SH3PXD2B: variants seen among roughly 807,000 people sequenced by gnomAD.
SH3PXD2B encodes SH3 and PX domain-containing protein 2B.
A neutral mutation model predicts 73.1 loss-of-function variants in SH3PXD2B; 37 were observed. That is an observed-to-expected ratio of 0.51 (90% CI 0.39 to 0.67). The LOEUF is 0.67. Ranked by LOEUF, SH3PXD2B falls within the 30% of genes least tolerant of loss-of-function variation. The pLI is 0.00. For synonymous variants in SH3PXD2B, 457 were observed against 480.5 expected (o/e 0.95, Z 0.64); for missense variants, 1,053 against 1,197.8 (o/e 0.88, Z 1.78).
intron 12 of SH3PXD2B, among the ~76,000 whole-genome samples, chr5:172,325,575 C>A (rs114861463): frequency 0.016 from 2,502 of 152,276 alleles, 45 homozygotes; most frequent in African/African-American, 0.045. Flanking sequence ...GTGGTGATGG[C>A]CTTCTCGCTG....
chr5:172,439,718 A>G (rs1389700226), intron 1 of SH3PXD2B, among the ~76,000 whole-genome samples: 1 of 150,604 alleles, frequency 6.6e-6, no homozygotes, highest in Non-Finnish European at 1.5e-5. Flanking sequence ...ACACACACAC[A>G]CACACACACA....
chr5:172,335,583 G>A lies in SH3PXD2B; in HGVS notation c.*2786C>T. On this transcript the variant is annotated 3_prime_UTR_variant, in exon 13 of 13. Transcript: ENST00000311601. Reference sequence around the variant, plus strand: ...CCGTAAGGATTAAAGGAGCGTGTGTGTTTAGGCACTGGTCACCAGCCCGGT... The same window carrying A: ...CCGTAAGGATTAAAGGAGCGTGTGTATTTAGGCACTGGTCACCAGCCCGGT... 8.1e-7 allele frequency: 1 copy of A among 1,231,852 alleles called. No individual in the cohort carries two copies. Among genetic ancestry groups the A allele is most frequent in the Non-Finnish European group, 1.0e-6 (1 of 988,036 alleles). 76.3% of individuals were successfully genotyped at this position (1,231,852 alleles called of 1,614,324 possible). A position where few individuals can be genotyped will look rare whatever the true frequency, so the allele number is the denominator to read the frequency against.
intron 1 of SH3PXD2B, among the ~76,000 whole-genome samples, chr5:172,434,500 G>A (rs952348101): frequency 7.9e-5 from 12 of 152,180 alleles, no homozygotes; most frequent in African/African-American, 2.4e-4. Context: ...AACAGCTGCC[G>A]CCCTGCTTCC....
At chr5:172,381,289 C>T (rs1334272929) in intron 5 of SH3PXD2B, among the ~76,000 whole-genome samples, 1 of 152,094 alleles carries the variant, frequency 6.6e-6, no homozygotes, top group Non-Finnish European at 1.5e-5. Flanking sequence ...ACCCCAAACT[C>T]TGCCCGCTCT....
chr5:172,412,921 T>A (rs1258627156), intron 2 of SH3PXD2B, among the ~76,000 whole-genome samples: 1 of 152,176 alleles, frequency 6.6e-6, no homozygotes, highest in Admixed American at 6.5e-5. Flanking sequence ...TCACATCAAG[T>A]TGCCACATCA....
In SH3PXD2B at chr5:172,334,480, A is replaced by G; in HGVS notation, c.*3889T>C. The G allele has an allele frequency of 1.0e-6, 1 of 985,996 alleles. No individual in the cohort carries two copies. The highest frequency in any genetic ancestry group is 1.2e-6 in the Non-Finnish European group (1 of 830,402). The allele number at this position is 985,996 out of a possible 1,614,324, so 61.1% of individuals were successfully genotyped here. ...TGAGGTATGGATGTCTGCAGTCTAC[A>G]CAACAGCCCTGCAGAACGGGCCTGG... is the stretch of plus-strand genomic sequence containing the variant. On this transcript the variant is annotated 3_prime_UTR_variant, in exon 13 of 13. Transcript: ENST00000311601.
chr5:172,445,490 G>C lies in SH3PXD2B; in HGVS notation c.75+8788C>G, dbSNP rs554572209. ...CTCCCAAGATGCTGGGATTACAGGC[G>C]TGAACTCCCATGCCCAGCCCTTATA... On this transcript the variant is annotated intron_variant, in intron 1 of 12. Coordinates refer to ENST00000311601, the MANE Select transcript of SH3PXD2B (RefSeq NM_001017995.3). This position sits in a 1 kb window ranked among gnomAD's most constrained non-coding sequence, Gnocchi z 5.2. 6.6e-6 allele frequency among the ~76,000 whole-genome samples: 1 copy of C among 152,168 alleles called. No individual in the cohort carries two copies. The highest frequency in any genetic ancestry group is 2.1e-4 in the South Asian group (1 of 4,816).
chr5:172,396,973 C>T (rs888106245), intron 3 of SH3PXD2B, among the ~76,000 whole-genome samples: 2 of 152,076 alleles, frequency 1.3e-5, no homozygotes, highest in South Asian at 2.1e-4. Context: ...TAGATGAATA[C>T]GTATCACAAA....
chr5:172,444,998 T>C (rs1302995335), intron 1 of SH3PXD2B, among the ~76,000 whole-genome samples: 1 of 152,192 alleles, frequency 6.6e-6, no homozygotes, highest in African/African-American at 2.4e-5. Flanking sequence ...CTCTTCTGCT[T>C]TTTCAAACAC....
chr5:172,362,708 G>C, intron 7 of SH3PXD2B, 27 bp downstream of exon 7: 2 of 1,613,938 alleles, frequency 1.2e-6, no homozygotes. Flanking sequence ...CAGGGTAGTG[G>C]GAGAGGGAGA....
At chr5:172,359,384 T>G (rs1220942526) in intron 7 of SH3PXD2B, among the ~76,000 whole-genome samples, 1 of 32,522 alleles carries the variant, frequency 3.1e-5, no homozygotes, top group African/African-American at 1.6e-4. Context: ...GAGACCCCCA[T>G]CTCAAAAAAA....
chr5:172,354,054 TGG>T, intron 8 of SH3PXD2B, 49 bp from the exon 9 acceptor site: 1 of 1,538,084 alleles, frequency 6.5e-7, no homozygotes. Context: ...CCAAGAGGCT[TGG>T]GATGCCGTAA....
At position 172,445,308 on chromosome 5, in the gene SH3PXD2B, A is replaced by C. The variant is rs1043006856; in HGVS notation, c.75+8970T>G. On this transcript the variant is annotated intron_variant, in intron 1 of 12. Coordinates refer to ENST00000311601, the MANE Select transcript of SH3PXD2B (RefSeq NM_001017995.3). This position sits in a 1 kb window ranked among gnomAD's most constrained non-coding sequence, Gnocchi z 5.2. Reference sequence around the variant, plus strand: ...ACTGCAGCCTCCATCTCCTGGGCTCAAGCGATCTTCCTGCCTCAGCCTCTC... The same window carrying C: ...ACTGCAGCCTCCATCTCCTGGGCTCCAGCGATCTTCCTGCCTCAGCCTCTC... Among the ~76,000 whole-genome samples, 1 of 152,240 alleles carries C rather than the reference A, an allele frequency of 6.6e-6. No homozygotes were observed. The highest frequency in any genetic ancestry group is 6.5e-5 in the Admixed American group (1 of 15,272).
At chr5:172,328,554 G>A (rs1269791410), downstream of SH3PXD2B, among the ~76,000 whole-genome samples, 1 of 152,134 alleles carries the variant, frequency 6.6e-6, no homozygotes, top group Non-Finnish European at 1.5e-5. Context: ...CCTCCCCTGA[G>A]TTCAGAATTA....
In SH3PXD2B at chr5:172,362,777, T is replaced by C. The variant is rs1476756868; in HGVS notation, c.520A>G (p.Ser174Gly). Residue 174 changes from serine to glycine, a missense_variant, in exon 7 of 13, where the codon AGC becomes GGC. By Grantham distance (56) the Ser-to-Gly change is moderately conservative. Transcript: ENST00000311601. Reference sequence around the variant, plus strand: ...ATGATGTCCACCACCTGCCCCACGCTGAGGCTGATCTCCGAACTCTCCTGC... The same window carrying C: ...ATGATGTCCACCACCTGCCCCACGCCGAGGCTGATCTCCGAACTCTCCTGC... Reference protein sequence around the residue: ...QKQESSEISLSVGQVVDIIEK... With the variant: ...QKQESSEISLGVGQVVDIIEK... 1 of 1,614,132 alleles carries C rather than the reference T, an allele frequency of 6.2e-7. No homozygotes were observed. Among genetic ancestry groups the C allele is most frequent in the Admixed American group, 1.7e-5 (1 of 60,004 alleles).
At chr5:172,418,179 T>C (rs1028971682) in intron 2 of SH3PXD2B, among the ~76,000 whole-genome samples, 1 of 152,252 alleles carries the variant, frequency 6.6e-6, no homozygotes, top group East Asian at 1.9e-4. Context: ...CCACTTAACC[T>C]CTCTGAGCCT....
At chr5:172,451,392 G>A (rs1759793833) in intron 1 of SH3PXD2B, among the ~76,000 whole-genome samples, 2 of 152,192 alleles carry the variant, frequency 1.3e-5, no homozygotes, top group Admixed American at 1.3e-4. Flanking sequence ...GCCCCCTAGA[G>A]GACATGCAGC....
At chr5:172,341,164 C>A (rs768044942) in intron 12 of SH3PXD2B, among the ~76,000 whole-genome samples, 2 of 152,130 alleles carry the variant, frequency 1.3e-5, no homozygotes, top group Admixed American at 6.5e-5. Context: ...AATTGTGTCC[C>A]CCTACCCAAA....
downstream of SH3PXD2B, among the ~76,000 whole-genome samples, chr5:172,328,537 C>G (rs1348840448): frequency 2.0e-5 from 3 of 152,176 alleles, no homozygotes; most frequent in Non-Finnish European, 4.4e-5. Flanking sequence ...AAATAGCTCC[C>G]TGTTCTCCTC....
Sources: gnomAD v4.1 joint callset for allele counts (sites outside exome capture counted in the v4.1 genomes callset) on GRCh38, gnomAD v4.1.1 for gene constraint, Gnocchi (gnomAD v3.1) non-coding constraint, MANE v1.5 for transcripts, NCBI Gene and HGNC (gene_info 2026-07-23, HGNC 2026-07-21) for gene names.